GLIS3: variants seen among roughly 807,000 people sequenced by gnomAD.
The protein encoded by GLIS3 is GLIS family zinc finger 3.
A neutral mutation model predicts 78.6 loss-of-function variants in GLIS3; 53 were observed. The ratio of observed to expected loss-of-function variants is 0.67; its 90% CI spans 0.54 to 0.85. The LOEUF is 0.85. Among genes scored for constraint, GLIS3 ranks in the 40% least tolerant of loss-of-function variants. The pLI, the probability that GLIS3 is intolerant of heterozygous loss-of-function variation, is 0.00. For missense variants in GLIS3, 1,703 were observed against 1,231.1 expected, an observed-to-expected ratio of 1.38 and a Z score of -5.74; for synonymous variants, 684 against 509.9, an observed-to-expected ratio of 1.34 and a Z score of -4.60.
At chr9:4,215,921 T>C (rs1268508483) in intron 2 of GLIS3, among the ~76,000 whole-genome samples, 1 of 152,160 alleles carries the variant, frequency 6.6e-6, no homozygotes, top group African/African-American at 2.4e-5. Context: ...CATTTAAGAA[T>C]TTAAAACTAA....
intron 2 of GLIS3, among the ~76,000 whole-genome samples, chr9:4,132,674 T>C (rs1398296997): frequency 1.3e-5 from 2 of 152,020 alleles, no homozygotes; most frequent in Non-Finnish European, 2.9e-5. Context: ...GCCATGAAGA[T>C]GCACACCAAA....
intron 2 of GLIS3, among the ~76,000 whole-genome samples, chr9:4,160,203 A>T (rs1324689817): frequency 3.9e-5 from 6 of 152,314 alleles, no homozygotes; most frequent in Non-Finnish European, 8.8e-5. Context: ...AGTAGGTGAG[A>T]GACAATTTTT....
At chr9:4,112,717 T>G (rs778456364) in intron 4 of GLIS3, among the ~76,000 whole-genome samples, 2 of 152,168 alleles carry the variant, frequency 1.3e-5, no homozygotes, top group African/African-American at 4.8e-5. Flanking sequence ...TGGAAAGAAA[T>G]TGGAGTGTGA....
At chr9:4,288,200 G>C (rs575931805) in intron 1 of GLIS3, among the ~76,000 whole-genome samples, 1 of 152,290 alleles carries the variant, frequency 6.6e-6, no homozygotes, top group East Asian at 1.9e-4. Context: ...ATGAGCAACA[G>C]TCACTTAATG....
chr9:4,378,626 G>C, the GLIS3 span, among the ~76,000 whole-genome samples: 32 of 152,246 alleles, frequency 2.1e-4, no homozygotes, highest in Non-Finnish European at 4.6e-4. Flanking sequence ...AACAGAAAGA[G>C]AGATTCCATT....
intron 4 of GLIS3, among the ~76,000 whole-genome samples, chr9:3,984,803 G>A (rs1388196341): frequency 6.6e-6 from 1 of 152,108 alleles, no homozygotes; most frequent in Admixed American, 6.5e-5. Flanking sequence ...GAACCCAGTG[G>A]GAAGTGATTG....
intron 3 of GLIS3, among the ~76,000 whole-genome samples, chr9:4,122,565 C>G (rs1057417311): frequency 6.6e-6 from 1 of 152,144 alleles, no homozygotes; most frequent in African/African-American, 2.4e-5. Flanking sequence ...TCGGTGATGG[C>G]TGAACTTTGT....
intron 4 of GLIS3, among the ~76,000 whole-genome samples, chr9:4,097,879 CAA>C (rs1830083181): frequency 6.6e-6 from 1 of 152,094 alleles, no homozygotes; most frequent in Non-Finnish European, 1.5e-5. Context: ...CCCCACAAAA[CAA>C]AAAAGTCTGA....
chr9:4,370,385 T>C, the GLIS3 span, among the ~76,000 whole-genome samples: 1 of 152,096 alleles, frequency 6.6e-6, no homozygotes, highest in Non-Finnish European at 1.5e-5. Context: ...GGGTGTTGCC[T>C]TGTCTCTAGC....
At chr9:4,450,937 T>C in the GLIS3 span, among the ~76,000 whole-genome samples, 2 of 152,134 alleles carry the variant, frequency 1.3e-5, no homozygotes, top group Admixed American at 6.5e-5. Context: ...AGAAACTGCA[T>C]CAACTAACGG....
intron 2 of GLIS3, among the ~76,000 whole-genome samples, chr9:4,141,496 G>A (rs1362327631): frequency 6.6e-6 from 1 of 152,180 alleles, no homozygotes; most frequent in East Asian, 1.9e-4. Flanking sequence ...AAAGCTCCTG[G>A]AATGTTCTGC....
At chr9:3,923,540 T>TGACC (rs1825033001) in intron 6 of GLIS3, among the ~76,000 whole-genome samples, 1 of 151,910 alleles carries the variant, frequency 6.6e-6, no homozygotes. Flanking sequence ...CAGCAGCACA[T>TGACC]TTGGAAGACA....
the GLIS3 span, among the ~76,000 whole-genome samples, chr9:4,406,921 CT>C: frequency 5.9e-5 from 9 of 152,092 alleles, no homozygotes; most frequent in Middle Eastern, 3.2e-3. Flanking sequence ...CAATTACATT[CT>C]TCACAGAAAT....
chr9:4,172,673 A>T (rs180765931), intron 2 of GLIS3, among the ~76,000 whole-genome samples: 1 of 152,188 alleles, frequency 6.6e-6, no homozygotes, highest in South Asian at 2.1e-4. Flanking sequence ...CATAGTACAA[A>T]AGGGCTTTGC....
the GLIS3 span, among the ~76,000 whole-genome samples, chr9:4,478,520 G>C: frequency 6.6e-6 from 1 of 151,820 alleles, no homozygotes; most frequent in Non-Finnish European, 1.5e-5. Flanking sequence ...CTGAGGCACG[G>C]AAATCGCTTG....
At chr9:3,971,139 G>C (rs903783627) in intron 4 of GLIS3, among the ~76,000 whole-genome samples, 21 of 151,058 alleles carry the variant, frequency 1.4e-4, no homozygotes, top group African/African-American at 5.1e-4. Context: ...AGGAAGGAAG[G>C]GAGCCTTATG....
At chr9:4,106,251 G>C (rs2380936) in intron 4 of GLIS3, among the ~76,000 whole-genome samples, 118,619 of 152,158 alleles carry the variant, frequency 0.78, 48,328 homozygotes, top group East Asian at 1. Flanking sequence ...AACAGGTAGA[G>C]TTTTCATTAC....
chr9:4,164,833 G>A (rs962478033), intron 2 of GLIS3, among the ~76,000 whole-genome samples: 3 of 152,142 alleles, frequency 2.0e-5, no homozygotes, highest in African/African-American at 2.4e-5. Flanking sequence ...GCAAAGCAAA[G>A]ACCAGACTTA....
chr9:4,436,701 G>A, the GLIS3 span, among the ~76,000 whole-genome samples: 1 of 151,174 alleles, frequency 6.6e-6, no homozygotes, highest in East Asian at 2.0e-4. Context: ...AACTACTCTG[G>A]AGGCTGAGGC....
Sources: allele counts gnomAD v4.1 joint callset (sites outside exome capture counted in the v4.1 genomes callset), GRCh38; gene constraint gnomAD v4.1.1; transcripts MANE v1.5; gene names NCBI Gene and HGNC (gene_info 2026-07-23, HGNC 2026-07-21).